LRFN2: variants seen among roughly 807,000 people sequenced by gnomAD.
LRFN2 encodes the protein leucine-rich repeat and fibronectin type-III domain-containing protein 2.
A neutral mutation model predicts 37.3 loss-of-function variants in LRFN2; 18 were observed. The observed-to-expected ratio is 0.48, with a 90% confidence interval of 0.33 to 0.72. LRFN2 has a LOEUF of 0.72. Ranked by LOEUF, LRFN2 falls within the 30% of genes least tolerant of loss-of-function variation. LRFN2 has a pLI of 0.02. For missense variants in LRFN2, 1,006 were observed against 1,060.7 expected (o/e 0.95, Z 0.72); for synonymous variants, 556 against 466.6 (o/e 1.19, Z -2.47).
intron 1 of LRFN2, among the ~76,000 whole-genome samples, chr6:40,562,736 G>C (rs1388047142): frequency 1.3e-5 from 2 of 152,180 alleles, no homozygotes; most frequent in East Asian, 3.9e-4. Flanking sequence ...GCCTATTTCT[G>C]TCTGTGCATG....
chr6:40,464,700 A>T (rs553434581), intron 1 of LRFN2, among the ~76,000 whole-genome samples: 1 of 152,260 alleles, frequency 6.6e-6, no homozygotes, highest in African/African-American at 2.4e-5. Context: ...CCCCAAGCAC[A>T]TGTGACTCTG....
At chr6:40,517,911 G>A (rs1354417329) in intron 1 of LRFN2, among the ~76,000 whole-genome samples, 1 of 152,128 alleles carries the variant, frequency 6.6e-6, no homozygotes, top group Admixed American at 6.5e-5. Context: ...TGAGCTAAGA[G>A]GGGGTCCAAG....
At chr6:40,509,833 G>A (rs1412689235) in intron 1 of LRFN2, among the ~76,000 whole-genome samples, 1 of 151,318 alleles carries the variant, frequency 6.6e-6, no homozygotes, top group African/African-American at 2.4e-5. Context: ...AGCTGCGCAG[G>A]TAGGAGAGCT....
chr6:40,572,744 G>A lies in LRFN2; in HGVS notation c.-19+14197C>T, dbSNP rs552676495. ...AGCAGGAGAATGCAGCCTTTTCTAT[G>A]TTTAATCCCCAGCTAGTGGAAGGAG... On this transcript the variant is annotated intron_variant, in intron 1 of 2. Transcript: ENST00000338305. Among the ~76,000 whole-genome samples the A allele has an allele frequency of 6.9e-4, 105 of 152,304 alleles. 1 individual carries two copies. Among genetic ancestry groups the A allele is most frequent in the African/African-American group, 2.1e-3 (86 of 41,566 alleles).
chr6:40,511,386 C>T (rs1388105638), intron 1 of LRFN2, among the ~76,000 whole-genome samples: 1 of 152,156 alleles, frequency 6.6e-6, no homozygotes, highest in African/African-American at 2.4e-5. Flanking sequence ...TCATTGATTG[C>T]AGAATGCGTT....
intron 1 of LRFN2, among the ~76,000 whole-genome samples, chr6:40,558,226 C>T (rs1766926457): frequency 6.6e-6 from 1 of 152,212 alleles, no homozygotes. Context: ...GACTGATTAA[C>T]ACCTCCTCTC....
intron 1 of LRFN2, among the ~76,000 whole-genome samples, chr6:40,519,140 A>G (rs1287969703): frequency 6.6e-6 from 1 of 152,218 alleles, no homozygotes; most frequent in African/African-American, 2.4e-5. Flanking sequence ...ACCATAGATT[A>G]TCAGTTTTGT....
chr6:40,392,419 C>G lies in LRFN2; in HGVS notation c.1894G>C (p.Ala632Pro). 5 of 1,568,226 alleles carry G rather than the reference C, an allele frequency of 3.2e-6. No homozygotes were observed. Among genetic ancestry groups the G allele is most frequent in the Non-Finnish European group, 4.3e-6 (5 of 1,156,626 alleles). Residue 632 changes from alanine to proline, a missense_variant, in exon 3 of 3, where the codon GCT (alanine) becomes CCT (proline). Ala to Pro is a conservative substitution (Grantham distance 27). Coordinates refer to ENST00000338305, the MANE Select transcript of LRFN2 (RefSeq NM_020737.3). This position sits in a 1 kb window ranked among gnomAD's most constrained non-coding sequence, Gnocchi z 4.7. Reference protein sequence around the residue: ...SSSSSLGSGEAAGLGRAPWRI... With the variant: ...SSSSSLGSGEPAGLGRAPWRI... Reference sequence around the variant, plus strand: ...CAGGGGGCCCGTCCCAGCCCCGCAGCCTCCCCACTGCCCAGGGAGCTGGAG... The same window carrying G: ...CAGGGGGCCCGTCCCAGCCCCGCAGGCTCCCCACTGCCCAGGGAGCTGGAG...
At chr6:40,530,188 C>T (rs1158674058) in intron 1 of LRFN2, among the ~76,000 whole-genome samples, 2 of 152,206 alleles carry the variant, frequency 1.3e-5, no homozygotes, top group Non-Finnish European at 2.9e-5. Context: ...GCATACAGGC[C>T]TGCTCGGGGA....
intron 1 of LRFN2, among the ~76,000 whole-genome samples, chr6:40,508,575 T>TAGA (rs1483150409): frequency 6.6e-6 from 1 of 152,220 alleles, no homozygotes; most frequent in Non-Finnish European, 1.5e-5. Context: ...TTCTACTGCA[T>TAGA]ACTAGTGGGT....
chr6:40,417,332 G>A (rs1272504156), intron 2 of LRFN2, among the ~76,000 whole-genome samples: 3 of 152,076 alleles, frequency 2.0e-5, no homozygotes, highest in Non-Finnish European at 4.4e-5. Flanking sequence ...GCAGCCTCCC[G>A]ACCTGTCCAC....
rs1389358289 is a variant in LRFN2 at position 40,432,001 on chromosome 6, C to T, written c.1113G>A (p.Met371Ile). ...GCAGCTGGACGATGGAGACCTCCAC[C>T]ATGGCCGTGGCCTCTCCGGCAGCAT... ...AANAAGEATA[M>I]VEVSIVQLPH... The change falls in exon 2 of 3, where the codon ATG (methionine) becomes ATA (isoleucine). Residue 371 changes from methionine to isoleucine, a missense_variant. Physicochemically the swap from Met to Ile is conservative, Grantham distance 10. Coordinates refer to ENST00000338305, the MANE Select transcript of LRFN2 (RefSeq NM_020737.3). 1 of 1,613,728 alleles carries T rather than the reference C, an allele frequency of 6.2e-7. No individual in the cohort carries two copies. The highest frequency in any genetic ancestry group is 1.1e-5 in the South Asian group (1 of 91,086).
At chr6:40,507,912 T>C (rs962665122) in intron 1 of LRFN2, among the ~76,000 whole-genome samples, 1 of 152,134 alleles carries the variant, frequency 6.6e-6, no homozygotes. Context: ...GGCTAACAAA[T>C]GTGTGCCTTT....
chr6:40,446,233 T>C (rs1198825358), intron 1 of LRFN2, among the ~76,000 whole-genome samples: 1 of 152,182 alleles, frequency 6.6e-6, no homozygotes, highest in Non-Finnish European at 1.5e-5. Flanking sequence ...GGCTGGGGTG[T>C]AGTCTGGGTG....
At chr6:40,525,953 C>T (rs1337890061) in intron 1 of LRFN2, among the ~76,000 whole-genome samples, 2 of 152,196 alleles carry the variant, frequency 1.3e-5, no homozygotes, top group Non-Finnish European at 2.9e-5. Flanking sequence ...CCATCTTTAG[C>T]AAATACACAC....
chr6:40,463,668 C>CTTTTTT (rs1470775834), intron 1 of LRFN2, among the ~76,000 whole-genome samples: 5 of 91,288 alleles, frequency 5.5e-5, no homozygotes, highest in South Asian at 4.2e-4. Context: ...TTCTTTCTTT[C>CTTTTTT]TATTTTTTTT....
chr6:40,563,888 A>C (rs1581796659), intron 1 of LRFN2, among the ~76,000 whole-genome samples: 1 of 152,204 alleles, frequency 6.6e-6, no homozygotes. Context: ...CTCCACAGAC[A>C]GACCTTGTGT....
Position 40,392,585 on chromosome 6 carries a change from G to T in LRFN2, c.1728C>A (p.Tyr576Ter). The part of the protein sequence containing the change: ...SKMAAAVSNV[Y>*]SQTNGAQPPP... Reference sequence around the variant, plus strand: ...GTGGCTGGGCGCCGTTGGTCTGCGAGTACACATTGCTCACGGCCGCTGCCA... The same window carrying T: ...GTGGCTGGGCGCCGTTGGTCTGCGATTACACATTGCTCACGGCCGCTGCCA... The change falls in exon 3 of 3, where the codon TAC becomes TAA. Residue 576 changes from tyrosine to a stop codon, truncating the protein, a stop_gained. Coordinates refer to ENST00000338305, the MANE Select transcript of LRFN2 (RefSeq NM_020737.3). LOFTEE classifies it high-confidence loss of function. The surrounding 1 kb of genome is among the most constrained non-coding windows in gnomAD (Gnocchi z 4.7). 6.2e-7 allele frequency: 1 copy of T among 1,608,008 alleles called. No homozygotes were observed. The highest frequency in any genetic ancestry group is 8.5e-7 in the Non-Finnish European group (1 of 1,179,844).
At chr6:40,462,209 C>G (rs17625913) in intron 1 of LRFN2, among the ~76,000 whole-genome samples, 1 of 152,158 alleles carries the variant, frequency 6.6e-6, no homozygotes, top group Non-Finnish European at 1.5e-5. Context: ...TGTTGCCTTG[C>G]GCTCCCGTTC....
Sources: gnomAD v4.1 joint callset for allele counts (sites outside exome capture counted in the v4.1 genomes callset) on GRCh38, gnomAD v4.1.1 for gene constraint, Gnocchi (gnomAD v3.1) non-coding constraint, MANE v1.5 for transcripts, NCBI Gene and HGNC (gene_info 2026-07-23, HGNC 2026-07-21) for gene names.